The following KIAA1549 variants were observed in gnomAD, a reference collection of about 807,000 sequenced individuals.
KIAA1549 encodes the protein UPF0606 protein KIAA1549.
In KIAA1549, 70 loss-of-function variants were observed where a neutral mutation model predicts 156.4. The ratio of observed to expected loss-of-function variants is 0.45; its 90% CI spans 0.37 to 0.55. The LOEUF (loss-of-function observed/expected upper bound fraction) is 0.55. Ranked by LOEUF, KIAA1549 falls within the 20% of genes least tolerant of loss-of-function variation. The pLI is 0.00. For missense variants in KIAA1549, 2,428 were observed against 2,540.9 expected (o/e 0.96, Z 0.96); for synonymous variants, 1,103 against 1,066.4 (o/e 1.03, Z -0.67).
At position 138,918,934 on chromosome 7, in the gene KIAA1549, G is replaced by A. The variant is rs140350435; in HGVS notation, c.692C>T (p.Thr231Ile). The A allele has an allele frequency of 1.7e-4, 274 of 1,614,048 alleles. 1 individual carries two copies. The African/African-American group carries it at 3.0e-3, about 18-fold the overall frequency. Residue 231 changes from threonine (T) to isoleucine (I), a missense_variant, in exon 2 of 20, where the codon ACC becomes ATC. Thr to Ile is a moderately conservative substitution (Grantham distance 89). Transcript: ENST00000422774. This position sits in a 1 kb window ranked among gnomAD's most constrained non-coding sequence, Gnocchi z 4.2. ...AYAESASHFH[T>I]FRSAFRTSEG... ...AGAGGTGCGAAAAGCTGACCGAAAG[G>A]TGTGGAAATGACTGGCGGACTCAGC...
chr7:138,888,928 A>G (rs28713442), intron 10 of KIAA1549, among the ~76,000 whole-genome samples: 12,529 of 152,254 alleles, frequency 0.082, 608 homozygotes, highest in East Asian at 0.24. Flanking sequence ...GATGATAAAA[A>G]TCCTAACAGG....
chr7:138,964,729 C>T (rs962160360), intron 1 of KIAA1549, among the ~76,000 whole-genome samples: 1 of 152,234 alleles, frequency 6.6e-6, no homozygotes, highest in Admixed American at 6.5e-5. Flanking sequence ...TGGTCACAGC[C>T]TGTATTATGG....
At chr7:138,938,037 C>T (rs1462579591) in intron 1 of KIAA1549, among the ~76,000 whole-genome samples, 3 of 152,004 alleles carry the variant, frequency 2.0e-5, no homozygotes, top group Admixed American at 6.6e-5. Context: ...AAACCTAACC[C>T]GAAGGTGATG....
chr7:138,979,369 A>G (rs1187077526), intron 1 of KIAA1549, among the ~76,000 whole-genome samples: 1 of 152,224 alleles, frequency 6.6e-6, no homozygotes, highest in Non-Finnish European at 1.5e-5. Flanking sequence ...GTACACCCAG[A>G]TGGCCACATT....
intron 10 of KIAA1549, among the ~76,000 whole-genome samples, chr7:138,886,545 G>A (rs1443563484): frequency 1.3e-5 from 2 of 152,166 alleles, no homozygotes; most frequent in African/African-American, 4.8e-5. Context: ...CCAAAGCGCT[G>A]GGACTACAGA....
Position 138,871,319 on chromosome 7 carries a change from G to A in KIAA1549, c.4389C>T (p.Ala1463=), listed in dbSNP as rs1314341573. 6.3e-7 allele frequency: 1 copy of A among 1,599,676 alleles called. No homozygotes were observed. The highest frequency in any genetic ancestry group is 1.3e-5 in the African/African-American group (1 of 74,512). ...TCCTGTCCACGTGCTCGAAGATGGA[G>A]GCTGATGAGTGCTGCTCATTTCCCG... The part of the protein sequence containing the change: ...PSSGNEQHSS[A]SIFEHVDRIS... The change falls in exon 13 of 20, where the codon GCC becomes GCT. Residue 1463 remains alanine (A), a synonymous_variant. Transcript: ENST00000422774.
chr7:138,928,762 TA>T (rs567131950), intron 1 of KIAA1549, among the ~76,000 whole-genome samples: 2 of 152,178 alleles, frequency 1.3e-5, no homozygotes, highest in Admixed American at 1.3e-4. Flanking sequence ...CATTATGTCT[TA>T]AAAAAACAAT....
At chr7:138,874,526 A>G (rs1241065130) in intron 12 of KIAA1549, among the ~76,000 whole-genome samples, 1 of 152,238 alleles carries the variant, frequency 6.6e-6, no homozygotes, top group African/African-American at 2.4e-5. Flanking sequence ...ATTTGCAGCA[A>G]TATGGCTGAG....
intron 10 of KIAA1549, among the ~76,000 whole-genome samples, chr7:138,887,102 G>T (rs1811414597): frequency 6.6e-6 from 1 of 151,736 alleles, no homozygotes; most frequent in South Asian, 2.1e-4. Context: ...TACAGATGGG[G>T]TTTCACCATG....
chr7:138,979,386 G>T (rs1888349), intron 1 of KIAA1549, among the ~76,000 whole-genome samples: 26,218 of 152,124 alleles, frequency 0.17, 2,329 homozygotes, highest in Non-Finnish European at 0.2. Flanking sequence ...CATTCATATG[G>T]GGAAGCCATC....
At chr7:138,949,098 CT>C (rs1455315466) in intron 1 of KIAA1549, among the ~76,000 whole-genome samples, 1 of 152,168 alleles carries the variant, frequency 6.6e-6, no homozygotes, top group Non-Finnish European at 1.5e-5. Context: ...TGTGTTTGCA[CT>C]GTTAAAACTA....
chr7:138,832,679 G>T lies in KIAA1549; in HGVS notation c.*5227C>A. 1 of 216,064 alleles carries T rather than the reference G, an allele frequency of 4.6e-6. No homozygotes were observed. The highest frequency in any genetic ancestry group is 9.3e-6 in the Non-Finnish European group (1 of 107,450). The allele number at this position is 216,064 out of a possible 1,614,324, so 13.4% of individuals were successfully genotyped here. ...CTAACTTTGTTTCATGTTTCCAAAG[G>T]CATTTAATATTCTTTTCCTAAATTT... On this transcript the variant is annotated 3_prime_UTR_variant, in exon 20 of 20. Transcript: ENST00000422774.
Position 138,919,302 on chromosome 7 carries a change from A to T in KIAA1549, c.324T>A (p.His108Gln). 2.5e-6 allele frequency: 4 copies of T among 1,614,068 alleles called. No homozygotes were observed. The highest frequency in any genetic ancestry group is 3.4e-6 in the Non-Finnish European group (4 of 1,179,910). Residue 108 changes from histidine to glutamine, a missense_variant, in exon 2 of 20, where the codon CAT becomes CAA. Coordinates refer to ENST00000422774, the MANE Select transcript of KIAA1549 (RefSeq NM_001164665.2). ...TAGTGGCAGACGGCGGGGCTGTGAC[A>T]TGGAGAGGACTGCTGTGCTGGGAGC... ...APGSQHSSPL[H>Q]VTAPPSATTF...
At chr7:138,898,373 C>A (rs995055377) in intron 9 of KIAA1549, among the ~76,000 whole-genome samples, 3 of 151,594 alleles carry the variant, frequency 2.0e-5, no homozygotes, top group African/African-American at 7.3e-5. Context: ...CAGCCAGGGC[C>A]AGGCAGGCAG....
At chr7:138,881,723 G>A (rs549639997) in intron 10 of KIAA1549, 139 bp from the exon 11 acceptor site, 2 of 709,272 alleles carry the variant, frequency 2.8e-6, no homozygotes, top group Non-Finnish European at 2.3e-6. Context: ...TGGACTGCAT[G>A]CCAGGTTCTG....
At chr7:138,870,169 C>A (rs576831041) in intron 13 of KIAA1549, among the ~76,000 whole-genome samples, 2 of 151,970 alleles carry the variant, frequency 1.3e-5, no homozygotes, top group Non-Finnish European at 2.9e-5. Context: ...CTTCTAGGAG[C>A]GCCTTCCTGC....
chr7:138,938,357 G>A (rs923028280), intron 1 of KIAA1549, among the ~76,000 whole-genome samples: 1 of 152,094 alleles, frequency 6.6e-6, no homozygotes, highest in Non-Finnish European at 1.5e-5. Flanking sequence ...ATATACTTCT[G>A]GAATCCAATT....
At chr7:138,872,242 C>G (rs960563600) in intron 12 of KIAA1549, among the ~76,000 whole-genome samples, 2 of 151,890 alleles carry the variant, frequency 1.3e-5, no homozygotes, top group African/African-American at 4.8e-5. Flanking sequence ...CCACCGGGCC[C>G]GGCGCTAGTT....
intron 1 of KIAA1549, among the ~76,000 whole-genome samples, chr7:138,926,359 T>C (rs1812719830): frequency 6.6e-6 from 1 of 152,152 alleles, no homozygotes; most frequent in South Asian, 2.1e-4. Context: ...CAATCTCGGC[T>C]CACTGAAATC....
Sources: gnomAD v4.1 joint callset for allele counts (sites outside exome capture counted in the v4.1 genomes callset) on GRCh38, gnomAD v4.1.1 for gene constraint, Gnocchi (gnomAD v3.1) non-coding constraint, MANE v1.5 for transcripts, NCBI Gene and HGNC (gene_info 2026-07-23, HGNC 2026-07-21) for gene names.